Variants in POLA2 observed in about 807,000 individuals in gnomAD.
POLA2 encodes the protein DNA polymerase alpha 2, accessory subunit, also known as DNA polymerase alpha subunit B.
POLA2 carries 47 observed loss-of-function variants against 82.8 expected under a neutral mutation model. The observed-to-expected ratio is 0.57, with a 90% confidence interval of 0.45 to 0.72. POLA2 has a LOEUF of 0.72. Ranked by LOEUF, POLA2 falls within the 30% of genes least tolerant of loss-of-function variation. The probability of loss-of-function intolerance (pLI) is 0.00; values close to 1 mark genes in which losing one functional copy is unlikely to be tolerated. For synonymous variants in POLA2, 287 were observed against 286.8 expected, an observed-to-expected ratio of 1.00 and a Z score of -0.01; for missense variants, 634 against 728.1, an observed-to-expected ratio of 0.87 and a Z score of 1.49.
chr11:65,292,896 T>G (rs1470617892), intron 13 of POLA2, among the ~76,000 whole-genome samples: 1 of 152,234 alleles, frequency 6.6e-6, no homozygotes, highest in Non-Finnish European at 1.5e-5. Context: ...TAATACCTTA[T>G]GCCTATTTGA....
chr11:65,289,931 C>T lies in POLA2; in HGVS notation c.1244+59C>T. On this transcript the variant is annotated intron_variant, in intron 13 of 17. Transcript: ENST00000265465. ...CTTCTTAGGTTTCTCCAGAGCTTCC[C>T]ATTAAGAAACTGAAACTGCTTAAAA... 8 of 1,120,684 alleles carry T rather than the reference C, an allele frequency of 7.1e-6. No homozygotes were observed. In the South Asian group the frequency reaches 1.0e-4, roughly 14 times the overall value. The allele number at this position is 1,120,684 out of a possible 1,614,324, so 69.4% of individuals were successfully genotyped here. A position where few individuals can be genotyped will look rare whatever the true frequency, so the allele number is the denominator to read the frequency against.
intron 4 of POLA2, among the ~76,000 whole-genome samples, chr11:65,273,045 C>T (rs1329603149): frequency 2.1e-5 from 3 of 145,796 alleles, no homozygotes; most frequent in Non-Finnish European, 3.0e-5. Flanking sequence ...ACTAGCCAGG[C>T]GCAGTGGCTT....
intron 13 of POLA2, among the ~76,000 whole-genome samples, chr11:65,293,485 C>T (rs1426573149): frequency 2.0e-5 from 3 of 151,834 alleles, no homozygotes; most frequent in Non-Finnish European, 4.4e-5. Flanking sequence ...TGGTGTGCAC[C>T]TGTAGTTGTA....
chr11:65,271,062 CCTT>C lies in POLA2; in HGVS notation c.354+2339_354+2341del, dbSNP rs143484423. 9.0e-3 allele frequency among the ~76,000 whole-genome samples: 1,363 copies of C among 152,208 alleles called. 51 individuals are homozygous for C. The East Asian group carries it at 0.1, about 12-fold the overall frequency. ...ACAAGCCTGCCTAAAAGAACAAAGC[CCTT>C]CTTCTGTTTTATTTTCTTGCTTTAT... On this transcript the variant is annotated intron_variant, in intron 4 of 17. Transcript: ENST00000265465.
At position 65,288,034 on chromosome 11, in the gene POLA2, A is replaced by G. The variant is rs550870358; in HGVS notation, c.1131+194A>G. ...TAAAAGCCCAACTTTGGCCGGGCGC[A>G]GTGGCTCACGCCTGTAATCCTAACA... On this transcript the variant is annotated intron_variant, in intron 11 of 17. Transcript: ENST00000265465. Among the ~76,000 whole-genome samples the G allele has an allele frequency of 2.6e-5, 4 of 152,254 alleles. No homozygotes were observed. In the East Asian group the frequency reaches 7.7e-4, roughly 29 times the overall value.
intron 1 of POLA2, among the ~76,000 whole-genome samples, chr11:65,265,764 A>G (rs766831435): frequency 9.2e-5 from 14 of 152,348 alleles, no homozygotes; most frequent in Non-Finnish European, 1.6e-4. Flanking sequence ...GGCGTGAGCC[A>G]CTGCATCCGG....
downstream of POLA2, among the ~76,000 whole-genome samples, chr11:65,301,311 G>A (rs1415894523): frequency 6.6e-6 from 1 of 152,146 alleles, no homozygotes; most frequent in Non-Finnish European, 1.5e-5. Context: ...GAGAATCTTG[G>A]AAGGGTTTGC....
chr11:65,294,324 C>G (rs1280652303), intron 14 of POLA2, 63 bp downstream of exon 14: 7 of 1,366,460 alleles, frequency 5.1e-6, no homozygotes, highest in Non-Finnish European at 7.3e-6. Context: ...GCCACTAGCT[C>G]TGGCCCTGAA....
At chr11:65,280,297 C>G (rs889383059) in intron 7 of POLA2, among the ~76,000 whole-genome samples, 5 of 152,204 alleles carry the variant, frequency 3.3e-5, no homozygotes, top group Admixed American at 3.3e-4. Context: ...GATGAGACTT[C>G]CTCTGTTTTC....
At chr11:65,299,414 A>T (rs368723743), downstream of POLA2, among the ~76,000 whole-genome samples, 6 of 152,214 alleles carry the variant, frequency 3.9e-5, no homozygotes, top group East Asian at 7.7e-4. Context: ...AGTCTCTGAG[A>T]GGGAGAGGGA....
intron 12 of POLA2, 141 bp downstream of exon 12, chr11:65,289,229 C>CT: frequency 1.5e-6 from 1 of 652,020 alleles, no homozygotes; most frequent in Non-Finnish European, 2.7e-6. Context: ...TAGCAGAGCA[C>CT]TTTATTAATA....
intron 4 of POLA2, among the ~76,000 whole-genome samples, 190 bp downstream of exon 4, chr11:65,268,919 T>C (rs1367966960): frequency 1.3e-5 from 2 of 152,254 alleles, no homozygotes; most frequent in Non-Finnish European, 2.9e-5. Context: ...AACATATAGT[T>C]ATCCTGCTTT....
intron 1 of POLA2, among the ~76,000 whole-genome samples, chr11:65,264,430 C>T (rs761496245): frequency 4.6e-5 from 7 of 152,158 alleles, no homozygotes; most frequent in African/African-American, 7.2e-5. Context: ...GTCTTCAACT[C>T]CTGACCTCAG....
chr11:65,268,161 T>A (rs1257252983), intron 3 of POLA2, among the ~76,000 whole-genome samples: 1 of 151,844 alleles, frequency 6.6e-6, no homozygotes, highest in Non-Finnish European at 1.5e-5. Context: ...TCCAGCTAGT[T>A]GGTAGGCTGA....
At chr11:65,263,178 A>G (rs1026209095) in intron 1 of POLA2, among the ~76,000 whole-genome samples, 8 of 151,868 alleles carry the variant, frequency 5.3e-5, no homozygotes, top group African/African-American at 1.9e-4. Flanking sequence ...TTCAGAAACC[A>G]GAATACTTCA....
rs778576333 is a variant in POLA2 at position 65,287,776 on chromosome 11, C to T, written c.1067C>T (p.Thr356Met). ...CCATACACCACATCTGACAGCATCA[C>T]GTATGACCCCCTGCTTGACCTGATT... ...CGPYTTSDSITYDPLLDLIAV... is the reference protein window; with the variant it reads ...CGPYTTSDSIMYDPLLDLIAV... The change falls in exon 11 of 18, where the codon ACG becomes ATG. Residue 356 changes from threonine to methionine, a missense_variant. Physicochemically the swap from Thr to Met is moderately conservative, Grantham distance 81. Coordinates refer to ENST00000265465, the MANE Select transcript of POLA2 (RefSeq NM_002689.4). 3 of 1,613,748 alleles carry T rather than the reference C, an allele frequency of 1.9e-6. No homozygotes were observed. The highest frequency in any genetic ancestry group is 2.5e-6 in the Non-Finnish European group (3 of 1,179,774).
At chr11:65,266,517 G>T in intron 1 of POLA2, 65 bp from the exon 2 acceptor site, 1 of 1,545,024 alleles carries the variant, frequency 6.5e-7, no homozygotes, top group African/African-American at 1.4e-5. Flanking sequence ...GATTATTTTT[G>T]CTTTTCTAGG....
intron 4 of POLA2, 62 bp from the exon 5 acceptor site, chr11:65,275,830 A>T: frequency 1.1e-6 from 1 of 923,844 alleles, no homozygotes; most frequent in Non-Finnish European, 1.7e-6. Context: ...CCAAGGTACT[A>T]TACACTTAAT....
chr11:65,294,591 G>A lies in POLA2; in HGVS notation c.1399G>A (p.Val467Met), dbSNP rs746080081. ...SEPCSLSING[V>M]IFGLTSTDLL... ...GCCCTGCAGCCTCTCCATAAACGGA[G>A]TGATCTTCGGCTTGACATCCACAGA... Residue 467 changes from valine to methionine, a missense_variant, in exon 15 of 18, where the codon GTG becomes ATG. Coordinates refer to ENST00000265465, the MANE Select transcript of POLA2 (RefSeq NM_002689.4). 2 of 1,614,140 alleles carry A rather than the reference G, an allele frequency of 1.2e-6. No individual in the cohort carries two copies. Among genetic ancestry groups the A allele is most frequent in the South Asian group, 2.2e-5 (2 of 91,072 alleles).
Sources: allele counts gnomAD v4.1 joint callset (sites outside exome capture counted in the v4.1 genomes callset), GRCh38; gene constraint gnomAD v4.1.1; transcripts MANE v1.5; gene names NCBI Gene and HGNC (gene_info 2026-07-23, HGNC 2026-07-21).